Variants in HSD11B1L observed in about 807,000 individuals in gnomAD.
The protein encoded by HSD11B1L is hydroxysteroid 11-beta dehydrogenase 1 like, also known as hydroxysteroid 11-beta-dehydrogenase 1-like protein.
In HSD11B1L, 22 loss-of-function variants were observed where a neutral mutation model predicts 27.0. The observed-to-expected ratio is 0.81, with a 90% CI of 0.58 to 1.16. The LOEUF is 1.16. Ranked by LOEUF, HSD11B1L falls within the 50% of genes most tolerant of loss-of-function variation. HSD11B1L has a pLI of 0.00. For missense variants in HSD11B1L, 372 were observed against 401.8 expected (o/e 0.93, Z 0.63); for synonymous variants, 187 against 189.2 (o/e 0.99, Z 0.09).
Position 5,684,888 on chromosome 19 carries a change from A to G in HSD11B1L, c.56A>G (p.Asp19Gly), listed in dbSNP as rs1293323843. The G allele has an allele frequency of 1.2e-6, 2 of 1,613,752 alleles. No homozygotes were observed. The highest frequency in any genetic ancestry group is 1.7e-6 in the Non-Finnish European group (2 of 1,179,960). The stretch of plus-strand genomic sequence containing the variant: ...GCCCTGTTCTTCGCCTATTATTGGG[A>G]TGACAACTTCGACCCAGGTGAGCAC... The part of the protein sequence containing the change: ...LGALFFAYYW[D>G]DNFDPASLQG... The change falls in exon 2 of 8, where the codon GAT becomes GGT. Residue 19 changes from aspartate (D) to glycine (G), a missense_variant. Transcript: ENST00000339423.
In HSD11B1L at chr19:5,687,882, G is replaced by T; in HGVS notation, c.798G>T (p.Trp266Cys). ...GCCTGCTGTGCTTGCTCCGGCGCTG[G>T]CTACCGCGCCCGCGGGCCTGGTTTA... ...RFRLLCLLRR[W>C]LPRPRAWFIR... The change falls in exon 8 of 8, where the codon TGG becomes TGT. Residue 266 changes from tryptophan (W) to cysteine (C), a missense_variant. By Grantham distance (215) the Trp-to-Cys change is radical. Coordinates refer to ENST00000339423, the MANE Select transcript of HSD11B1L (RefSeq NM_198706.3). The surrounding 1 kb of genome is among the most constrained non-coding windows in gnomAD (Gnocchi z 6.6). The T allele has an allele frequency of 1.3e-6, 2 of 1,580,908 alleles. No individual in the cohort carries two copies. The highest frequency in any genetic ancestry group is 1.7e-6 in the Non-Finnish European group (2 of 1,164,314).
In HSD11B1L at chr19:5,687,148, A is replaced by G; in HGVS notation, c.409-134A>G. 8.7e-7 allele frequency: 1 copy of G among 1,155,818 alleles called. No individual in the cohort carries two copies. The highest frequency in any genetic ancestry group is 1.2e-6 in the Non-Finnish European group (1 of 816,868). 71.6% of individuals were successfully genotyped at this position (1,155,818 alleles called of 1,614,324 possible). ...AGCCCAAGCCCCTGCTCCGGCCTTG[A>G]CCCCGCCCTCGGACCCGCCTTCCGG... On this transcript the variant is annotated intron_variant, in intron 5 of 7. Transcript: ENST00000339423. The surrounding 1 kb of genome is among the most constrained non-coding windows in gnomAD (Gnocchi z 6.6).
chr19:5,687,891 C>T lies in HSD11B1L; in HGVS notation c.807C>T (p.Arg269=), dbSNP rs759403823. The T allele has an allele frequency of 7.6e-6, 12 of 1,579,660 alleles. No homozygotes were observed. Among genetic ancestry groups the T allele is most frequent in the East Asian group, 2.3e-5 (1 of 42,678 alleles). Residue 269 remains arginine, a synonymous_variant, in exon 8 of 8, where the codon CGC becomes CGT. Transcript: ENST00000339423. This position sits in a 1 kb window ranked among gnomAD's most constrained non-coding sequence, Gnocchi z 6.6. ...LLCLLRRWLP[R]PRAWFIRQEL... Reference sequence around the variant, plus strand: ...GCTTGCTCCGGCGCTGGCTACCGCGCCCGCGGGCCTGGTTTATCCGCCAGG... The same window carrying T: ...GCTTGCTCCGGCGCTGGCTACCGCGTCCGCGGGCCTGGTTTATCCGCCAGG...
Position 5,687,450 on chromosome 19 carries a change from C to T in HSD11B1L, c.503-53C>T. 2 of 1,591,264 alleles carry T rather than the reference C, an allele frequency of 1.3e-6. No individual in the cohort carries two copies. ...TGCGGGTGAGCCTGGAGGGTCTGGG[C>T]AGGCTTCCCGGACGAGGGGGAGCCA... is the stretch of plus-strand genomic sequence containing the variant. On this transcript the variant is annotated intron_variant, in intron 6 of 7. Coordinates refer to ENST00000339423, the MANE Select transcript of HSD11B1L (RefSeq NM_198706.3). The surrounding 1 kb of genome is among the most constrained non-coding windows in gnomAD (Gnocchi z 6.6).
At chr19:5,686,877 G>C in intron 4 of HSD11B1L, 23 bp from the exon 5 acceptor site, 2 of 1,530,572 alleles carry the variant, frequency 1.3e-6, no homozygotes, top group Non-Finnish European at 1.8e-6. Context: ...GGCCTCCGGG[G>C]CTGACCGGCG....
chr19:5,687,320 G>T lies in HSD11B1L; in HGVS notation c.447G>T (p.Ala149=). 1 of 1,612,846 alleles carries T rather than the reference G, an allele frequency of 6.2e-7. No homozygotes were observed. Among genetic ancestry groups the T allele is most frequent in the East Asian group, 2.2e-5 (1 of 44,848 alleles). The change falls in exon 6 of 8, where the codon GCG becomes GCT. Residue 149 remains alanine, a synonymous_variant. Coordinates refer to ENST00000339423, the MANE Select transcript of HSD11B1L (RefSeq NM_198706.3). The surrounding 1 kb of genome is among the most constrained non-coding windows in gnomAD (Gnocchi z 6.6). ...FVSYVQLTSR[A]LPSLTDSKGS... Reference sequence around the variant, plus strand: ...GCTACGTGCAACTGACGTCGCGGGCGCTGCCCAGCCTGACGGACAGCAAGG... The same window carrying T: ...GCTACGTGCAACTGACGTCGCGGGCTCTGCCCAGCCTGACGGACAGCAAGG...
chr19:5,681,476 CCCATCTATCCTT>C lies in HSD11B1L; in HGVS notation c.-15+216_-15+227del. Reference sequence around the variant, plus strand: ...ACCCGTCTATCCATCTGGCCATCCACCCATCTATCCTTCCATCTATCCATCCACACTTCCGTT... The same window carrying C: ...ACCCGTCTATCCATCTGGCCATCCACCCATCTATCCATCCACACTTCCGTT... On this transcript the variant is annotated intron_variant, in intron 1 of 7. Coordinates refer to ENST00000339423, the MANE Select transcript of HSD11B1L (RefSeq NM_198706.3). Among the ~76,000 whole-genome samples, 2 of 152,104 alleles carry C rather than the reference CCCATCTATCCTT, an allele frequency of 1.3e-5. 1 individual carries two copies.
At chr19:5,684,419 G>A in intron 1 of HSD11B1L, 2 of 366,642 alleles carry the variant, frequency 5.5e-6, no homozygotes. Context: ...CCCACGAGAA[G>A]GCCCTGAGGC....
chr19:5,686,166 G>C (rs1749676814), intron 3 of HSD11B1L, among the ~76,000 whole-genome samples: 1 of 152,206 alleles, frequency 6.6e-6, no homozygotes, highest in South Asian at 2.1e-4. Context: ...TCAGGAAATT[G>C]TAGATGAAAT....
chr19:5,687,394 G>T lies in HSD11B1L; in HGVS notation c.502+19G>T, dbSNP rs760636015. The T allele has an allele frequency of 2.3e-5, 37 of 1,609,138 alleles. No homozygotes were observed. Among genetic ancestry groups the T allele is most frequent in the Admixed American group, 2.0e-4 (12 of 59,872 alleles). On this transcript the variant is annotated intron_variant, in intron 6 of 7. Coordinates refer to ENST00000339423, the MANE Select transcript of HSD11B1L (RefSeq NM_198706.3). This position sits in a 1 kb window ranked among gnomAD's most constrained non-coding sequence, Gnocchi z 6.6. The stretch of plus-strand genomic sequence containing the variant: ...CTGCTCGGTGCGTGCACCCGGCCCC[G>T]GCTCTGCGGGACGGGGAGTGGGGAG...
At position 5,687,408 on chromosome 19, in the gene HSD11B1L, G is replaced by T; in HGVS notation, c.502+33G>T. On this transcript the variant is annotated intron_variant, in intron 6 of 7. Coordinates refer to ENST00000339423, the MANE Select transcript of HSD11B1L (RefSeq NM_198706.3). The surrounding 1 kb of genome is among the most constrained non-coding windows in gnomAD (Gnocchi z 6.6). The stretch of plus-strand genomic sequence containing the variant: ...CACCCGGCCCCGGCTCTGCGGGACG[G>T]GGAGTGGGGAGCTCGATGCGGGTGA... The T allele has an allele frequency of 6.2e-7, 1 of 1,606,620 alleles. No individual in the cohort carries two copies.
chr19:5,685,163 G>A lies in HSD11B1L; in HGVS notation c.204+44G>A. 1 of 1,537,554 alleles carries A rather than the reference G, an allele frequency of 6.5e-7. No individual in the cohort carries two copies. The highest frequency in any genetic ancestry group is 2.0e-5 in the Admixed American group (1 of 50,992). On this transcript the variant is annotated intron_variant, in intron 3 of 7. Coordinates refer to ENST00000339423, the MANE Select transcript of HSD11B1L (RefSeq NM_198706.3). This position sits in a 1 kb window ranked among gnomAD's most constrained non-coding sequence, Gnocchi z 4.3. ...AGATGAATGGTGGGGGTGCTCATGG[G>A]GGGTGGGAAGAGAGCCTGGGTTTAA...
chr19:5,687,236 C>T lies in HSD11B1L; in HGVS notation c.409-46C>T. Reference sequence around the variant, plus strand: ...CCTCTGGGTTTCTGGCCCCGCCCTGCCCCTGGGCTCCGCCTCTGCCGGTGA... The same window carrying T: ...CCTCTGGGTTTCTGGCCCCGCCCTGTCCCTGGGCTCCGCCTCTGCCGGTGA... On this transcript the variant is annotated intron_variant, in intron 5 of 7. Coordinates refer to ENST00000339423, the MANE Select transcript of HSD11B1L (RefSeq NM_198706.3). The surrounding 1 kb of genome is among the most constrained non-coding windows in gnomAD (Gnocchi z 6.6). The T allele has an allele frequency of 1.3e-6, 2 of 1,593,936 alleles. No individual in the cohort carries two copies. The highest frequency in any genetic ancestry group is 2.2e-5 in the East Asian group (1 of 44,666).
chr19:5,686,470 G>T lies in HSD11B1L; in HGVS notation c.259G>T (p.Asp87Tyr), dbSNP rs1479266250. Residue 87 changes from aspartate to tyrosine, a missense_variant, in exon 4 of 8, where the codon GAC (aspartate) becomes TAC (tyrosine). By Grantham distance (160) the Asp-to-Tyr change is radical. Transcript: ENST00000339423. ...CCCCAAGGTCTTCTACATCGCGGCG[G>T]ACATGGCCTCCCCTGAGGCGCCCGA... is the stretch of plus-strand genomic sequence containing the variant. The part of the protein sequence containing the change: ...GAPKVFYIAA[D>Y]MASPEAPESV... The T allele has an allele frequency of 5.0e-6, 8 of 1,588,516 alleles. No individual in the cohort carries two copies. The highest frequency in any genetic ancestry group is 6.0e-6 in the Non-Finnish European group (7 of 1,169,496).
At position 5,681,230 on chromosome 19, in the gene HSD11B1L, C is replaced by A. The variant is rs2054535280; in HGVS notation, c.-56C>A. 1 of 152,620 alleles carries A rather than the reference C, an allele frequency of 6.6e-6. No homozygotes were observed. Among genetic ancestry groups the A allele is most frequent in the South Asian group, 2.0e-4 (1 of 4,928 alleles). 9.5% of individuals were successfully genotyped at this position (152,620 alleles called of 1,614,324 possible). On this transcript the variant is annotated 5_prime_UTR_variant, in exon 1 of 8. Transcript: ENST00000339423. ...GTTCGCGTGGCTCCCAGCCCGGGAC[C>A]CCACCCCCGCTGGACAGTGGGGGAA...
rs553392555 is a variant in HSD11B1L, at chr19:5,686,973, A to T, written c.390A>T (p.Ala130=). The part of the protein sequence containing the change: ...PAGTRARSPQ[A]TRWLMQVNFV... The stretch of plus-strand genomic sequence containing the variant: ...GCACGCGAGCCCGCAGCCCCCAGGC[A>T]ACTCGCTGGCTCATGCAGGTGCTCC... Residue 130 remains alanine, a synonymous_variant, in exon 5 of 8, where the codon GCA becomes GCT. Coordinates refer to ENST00000339423, the MANE Select transcript of HSD11B1L (RefSeq NM_198706.3). 1 of 1,549,048 alleles carries T rather than the reference A, an allele frequency of 6.5e-7. No homozygotes were observed. Among genetic ancestry groups the T allele is most frequent in the Non-Finnish European group, 8.7e-7 (1 of 1,147,814 alleles).
intron 1 of HSD11B1L, chr19:5,683,893 CAAAAATAAAA>C: frequency 8.0e-6 from 2 of 248,740 alleles, no homozygotes; most frequent in Non-Finnish European, 1.5e-5. Context: ...GACTCTGCCT[CAAAAATAAAA>C]AAAAATAAAA....
Position 5,687,773 on chromosome 19 carries a change from C to T in HSD11B1L, c.689C>T (p.Ala230Val), listed in dbSNP as rs1171351191. 2.0e-6 allele frequency: 3 copies of T among 1,482,248 alleles called. No homozygotes were observed. Among genetic ancestry groups the T allele is most frequent in the Admixed American group, 2.6e-5 (1 of 38,398 alleles). The allele number at this position is 1,482,248 out of a possible 1,614,324, so 91.8% of individuals were successfully genotyped here. A position where few individuals can be genotyped will look rare whatever the true frequency, so the allele number is the denominator to read the frequency against. The change falls in exon 8 of 8, where the codon GCG (alanine) becomes GTG (valine). Residue 230 changes from alanine (A) to valine (V), a missense_variant. Transcript: ENST00000339423. The surrounding 1 kb of genome is among the most constrained non-coding windows in gnomAD (Gnocchi z 6.6). ...EAVRGVTRVK[A>V]APGPKAALAV... is the part of the protein sequence containing the mutation. Reference sequence around the variant, plus strand: ...CCCAGGGGAGTCACGAGGGTCAAGGCGGCCCCGGGGCCCAAGGCAGCCCTG... The same window carrying T: ...CCCAGGGGAGTCACGAGGGTCAAGGTGGCCCCGGGGCCCAAGGCAGCCCTG...
chr19:5,688,407 C>A lies in HSD11B1L; in HGVS notation c.*462C>A. On this transcript the variant is annotated 3_prime_UTR_variant, in exon 8 of 8. Coordinates refer to ENST00000339423, the MANE Select transcript of HSD11B1L (RefSeq NM_198706.3). ...CTGGTACTCTTCACACCTGCAGGGG[C>A]GTCTACACTGTTCGTCTACCTGGTG... 1 of 584,834 alleles carries A rather than the reference C, an allele frequency of 1.7e-6. No individual in the cohort carries two copies. The allele number at this position is 584,834 out of a possible 1,614,324, so 36.2% of individuals were successfully genotyped here.
Sources: gnomAD v4.1 joint callset for allele counts (sites outside exome capture counted in the v4.1 genomes callset) on GRCh38, gnomAD v4.1.1 for gene constraint, Gnocchi (gnomAD v3.1) non-coding constraint, MANE v1.5 for transcripts, NCBI Gene and HGNC (gene_info 2026-07-23, HGNC 2026-07-21) for gene names.